The following TRAK1 variants were observed in gnomAD, a reference collection of about 807,000 sequenced individuals.
The protein encoded by TRAK1 is trafficking kinesin protein 1, also known as trafficking kinesin-binding protein 1.
In TRAK1, 33 loss-of-function variants were observed where a neutral mutation model predicts 92.1. The ratio of observed to expected loss-of-function variants is 0.36; its 90% CI spans 0.27 to 0.48. TRAK1 has a LOEUF of 0.48. Among genes scored for constraint, TRAK1 ranks in the 20% least tolerant of loss-of-function variants. The probability of loss-of-function intolerance (pLI) is 0.99; values close to 1 mark genes in which losing one functional copy is unlikely to be tolerated. For missense variants in TRAK1, 1,123 were observed against 1,257.9 expected (o/e 0.89, Z 1.62); for synonymous variants, 521 against 517.3 (o/e 1.01, Z -0.10).
At position 42,134,770 on chromosome 3, in the gene TRAK1, G is replaced by C. The variant is rs186695694; in HGVS notation, c.286+9156G>C. On this transcript the variant is annotated intron_variant, in intron 2 of 15. Coordinates refer to ENST00000327628, the MANE Select transcript of TRAK1 (RefSeq NM_001042646.3). ...ATTTTTTTGTATTTTTAGTAGAGAC[G>C]GGGTTTCACTGTGTTAGCCAGGATG... Among the ~76,000 whole-genome samples, 6 of 151,094 alleles carry C rather than the reference G, an allele frequency of 4.0e-5. 1 individual carries two copies. Among genetic ancestry groups the C allele is most frequent in the Admixed American group, 3.3e-4 (5 of 15,176 alleles).
Position 42,188,101 on chromosome 3 carries a change from C to T in TRAK1, c.537C>T (p.Thr179=), listed in dbSNP as rs1559897093. ...AGGATGAGCTGCTTCAGTTCTACAC[C>T]AGCGCTGCGGAGGAGAGTGAGCCCG... ...SMKDELLQFY[T]SAAEESEPES... is the part of the protein sequence containing the mutation. Residue 179 remains threonine (T), a synonymous_variant, in exon 5 of 16, where the codon ACC becomes ACT. Coordinates refer to ENST00000327628, the MANE Select transcript of TRAK1 (RefSeq NM_001042646.3). 1.9e-6 allele frequency: 3 copies of T among 1,614,016 alleles called. No homozygotes were observed. The highest frequency in any genetic ancestry group is 2.5e-6 in the Non-Finnish European group (3 of 1,180,062).
intron 15 of TRAK1, 104 bp from the exon 16 acceptor site, chr3:42,222,838 G>A (rs974587007): frequency 1.2e-5 from 15 of 1,225,478 alleles, no homozygotes; most frequent in Middle Eastern, 2.4e-4. Context: ...CCCTCTCATC[G>A]TGTCCTGGGT....
At chr3:42,149,641 G>A (rs1041321680) in intron 2 of TRAK1, 6 of 1,535,810 alleles carry the variant, frequency 3.9e-6, no homozygotes, top group Non-Finnish European at 5.2e-6. Flanking sequence ...ATGTATAGGG[G>A]TATTGTCTCC....
chr3:42,146,864 C>T (rs569805111), intron 2 of TRAK1, among the ~76,000 whole-genome samples: 171 of 152,298 alleles, frequency 1.1e-3, no homozygotes, highest in Middle Eastern at 3.4e-3. Flanking sequence ...CCCTCTGGTT[C>T]CTTTATTAAA....
At chr3:42,045,642 A>G (rs1401969641) in intron 1 of TRAK1, among the ~76,000 whole-genome samples, 2 of 152,226 alleles carry the variant, frequency 1.3e-5, no homozygotes, top group African/African-American at 4.8e-5. Flanking sequence ...CTAATGCGTA[A>G]GCTCTGGCTG....
chr3:42,142,458 C>A (rs963815421), intron 2 of TRAK1, among the ~76,000 whole-genome samples: 1 of 152,300 alleles, frequency 6.6e-6, no homozygotes, highest in South Asian at 2.1e-4. Context: ...CCTCTGGAGC[C>A]CTCTGGCCAA....
intron 2 of TRAK1, among the ~76,000 whole-genome samples, chr3:42,129,165 CT>C (rs1275932080): frequency 1.3e-5 from 2 of 152,182 alleles, no homozygotes; most frequent in African/African-American, 2.4e-5. Flanking sequence ...GCATGGTATC[CT>C]TTTTGGGTTT....
intron 1 of TRAK1, among the ~76,000 whole-genome samples, chr3:42,065,068 C>T (rs1181918014): frequency 6.6e-6 from 1 of 151,724 alleles, no homozygotes. Context: ...CAGAGCAAGA[C>T]TCTGTCTCAA....
At chr3:42,041,656 C>T (rs1175760509) in intron 1 of TRAK1, among the ~76,000 whole-genome samples, 2 of 150,084 alleles carry the variant, frequency 1.3e-5, no homozygotes, top group African/African-American at 4.9e-5. Flanking sequence ...GAATAGGAGT[C>T]GTAAGAGTGG....
upstream of TRAK1, among the ~76,000 whole-genome samples, chr3:42,089,715 A>C (rs1451374673): frequency 1.7e-4 from 20 of 116,174 alleles, no homozygotes; most frequent in South Asian, 3.2e-4. Flanking sequence ...ACCTTTCCCC[A>C]TCTCCCTTTC....
Position 42,180,194 on chromosome 3 carries a change from T to A in TRAK1, c.363+3304T>A, listed in dbSNP as rs569002837. Among the ~76,000 whole-genome samples, 62 of 152,336 alleles carry A rather than the reference T, an allele frequency of 4.1e-4. 1 individual carries two copies. The highest frequency in any genetic ancestry group is 3.4e-3 in the Middle Eastern group (1 of 294). On this transcript the variant is annotated intron_variant, in intron 3 of 15. Coordinates refer to ENST00000327628, the MANE Select transcript of TRAK1 (RefSeq NM_001042646.3). ...ACTAGAGACACTACAATAACGTTTC[T>A]GTTTAAATTTTCATTTTATCTATAA...
intron 14 of TRAK1, chr3:42,217,221 T>G: frequency 1.0e-6 from 1 of 985,026 alleles, no homozygotes; most frequent in Non-Finnish European, 1.2e-6. Flanking sequence ...GGTGACTCAC[T>G]GTCTCTCTGT....
chr3:42,044,343 G>A (rs1357337446), intron 1 of TRAK1, among the ~76,000 whole-genome samples: 1 of 152,046 alleles, frequency 6.6e-6, no homozygotes, highest in Non-Finnish European at 1.5e-5. Context: ...TGTATTCTTG[G>A]TAGAGACAGG....
intron 15 of TRAK1, among the ~76,000 whole-genome samples, chr3:42,220,300 T>C (rs555840125): frequency 6.6e-6 from 1 of 152,260 alleles, no homozygotes; most frequent in South Asian, 2.1e-4. Flanking sequence ...ACTTGTCTGG[T>C]GTGAGTTGGT....
chr3:42,207,040 G>A lies in TRAK1; in HGVS notation c.1745-2727G>A, dbSNP rs535307758. ...CCCCTTCAGAAGGATGAGGAGGTTG[G>A]CATTTCCTTACCAGGGTTCTTCACT... On this transcript the variant is annotated intron_variant, in intron 13 of 15. Transcript: ENST00000327628. Among the ~76,000 whole-genome samples, 5 of 152,260 alleles carry A rather than the reference G, an allele frequency of 3.3e-5. No homozygotes were observed. The East Asian group carries it at 7.7e-4, about 24-fold the overall frequency.
intron 1 of TRAK1, among the ~76,000 whole-genome samples, chr3:42,109,344 T>G (rs1708026784): frequency 6.6e-6 from 1 of 152,218 alleles, no homozygotes; most frequent in African/African-American, 2.4e-5. Flanking sequence ...AAAAGGTGAT[T>G]CAAAGATGTA....
At chr3:42,150,279 G>A (rs781664678) in intron 2 of TRAK1, among the ~76,000 whole-genome samples, 1 of 152,180 alleles carries the variant, frequency 6.6e-6, no homozygotes, top group Non-Finnish European at 1.5e-5. Context: ...AGGCCAAGTT[G>A]TGTGGCTGGA....
intron 12 of TRAK1, among the ~76,000 whole-genome samples, chr3:42,201,748 T>A (rs1461011045): frequency 6.6e-6 from 1 of 151,960 alleles, no homozygotes; most frequent in Non-Finnish European, 1.5e-5. Context: ...GACCAGAATG[T>A]GGTCACAAGG....
At chr3:42,037,766 T>C (rs1298707327) in intron 1 of TRAK1, among the ~76,000 whole-genome samples, 1 of 152,218 alleles carries the variant, frequency 6.6e-6, no homozygotes, top group African/African-American at 2.4e-5. Flanking sequence ...TGGAATCATG[T>C]CTTTCTGTCT....
Sources: allele counts gnomAD v4.1 joint callset (sites outside exome capture counted in the v4.1 genomes callset), GRCh38; gene constraint gnomAD v4.1.1; transcripts MANE v1.5; gene names NCBI Gene and HGNC (gene_info 2026-07-23, HGNC 2026-07-21).